SAP130: variants seen among roughly 807,000 people sequenced by gnomAD.
SAP130 encodes the protein histone deacetylase complex subunit SAP130.
Under a neutral mutation model 103.2 loss-of-function variants are expected in SAP130, and 16 were observed. The observed-to-expected ratio is 0.16, with a 90% CI of 0.10 to 0.24. The LOEUF (loss-of-function observed/expected upper bound fraction) is 0.24. Ranked by LOEUF, SAP130 falls within the 10% of genes least tolerant of loss-of-function variation. The pLI is 1.00. For synonymous variants in SAP130, 477 were observed against 497.0 expected (o/e 0.96, Z 0.53); for missense variants, 990 against 1,359.7 (o/e 0.73, Z 4.28).
chr2:127,987,999 T>C (rs987106631), intron 13 of SAP130, among the ~76,000 whole-genome samples: 33 of 152,218 alleles, frequency 2.2e-4, no homozygotes, highest in Admixed American at 2.2e-3. Flanking sequence ...CTTAAATATG[T>C]AGTACACCAT....
Position 128,017,802 on chromosome 2 carries a change from G to T in SAP130, c.226C>A (p.Pro76Thr), listed in dbSNP as rs550119378. Residue 76 changes from proline (P) to threonine (T), a missense_variant, in exon 3 of 21, where the codon CCA becomes ACA. Pro to Thr is a conservative substitution (Grantham distance 38). Coordinates refer to ENST00000643581, the MANE Select transcript of SAP130 (RefSeq NM_001330301.2). Reference protein sequence around the residue: ...KQEPVVVRPYPQVQMLSTHHA... With the variant: ...KQEPVVVRPYTQVQMLSTHHA... ...TGTGTCGACAACATCTGCACCTGTG[G>T]ATAGGGCCTTACCACAACAGGCTCT... 10 of 1,614,244 alleles carry T rather than the reference G, an allele frequency of 6.2e-6. No individual in the cohort carries two copies. The South Asian group carries it at 1.1e-4, about 18-fold the overall frequency.
In SAP130 at chr2:127,964,202, A is replaced by C. The variant is rs193024064; in HGVS notation, c.2064-8858T>G. 1.8e-4 allele frequency among the ~76,000 whole-genome samples: 27 copies of C among 152,254 alleles called. No homozygotes were observed. The Middle Eastern group carries it at 0.01, about 58-fold the overall frequency. On this transcript the variant is annotated intron_variant, in intron 15 of 20. Transcript: ENST00000643581. ...ACGGTGAGACCCTATCTAAAAAATAAGGAAATTTAGGCTGGGCGCAGTGGC... is the reference window on the plus strand; with the variant it reads ...ACGGTGAGACCCTATCTAAAAAATACGGAAATTTAGGCTGGGCGCAGTGGC...
At chr2:127,946,386 A>T (rs753728740) in intron 18 of SAP130, among the ~76,000 whole-genome samples, 1 of 152,192 alleles carries the variant, frequency 6.6e-6, no homozygotes, top group African/African-American at 2.4e-5. Context: ...AGGGCAGAAC[A>T]ACTTTATCAA....
intron 7 of SAP130, among the ~76,000 whole-genome samples, chr2:128,004,801 C>G (rs1683842748): frequency 6.6e-6 from 1 of 152,128 alleles, no homozygotes; most frequent in South Asian, 2.1e-4. Context: ...TCTGCACTGA[C>G]AGGAGTGAAG....
At chr2:127,945,605 AGGTAAATGATTT>A in intron 18 of SAP130, 46 bp from the exon 19 acceptor site, 1 of 1,176,938 alleles carries the variant, frequency 8.5e-7, no homozygotes, top group Non-Finnish European at 1.3e-6. Context: ...GTGTTTAAAA[AGGTAAATGATTT>A]GTGTTCGAGC....
At chr2:128,017,347 A>G (rs6430967) in intron 3 of SAP130, among the ~76,000 whole-genome samples, 48,254 of 151,832 alleles carry the variant, frequency 0.32, 9,011 homozygotes, top group African/African-American at 0.53. Context: ...CAAAACATTA[A>G]TGTCATTAAG....
At chr2:128,021,574 T>C (rs1016238808) in intron 2 of SAP130, among the ~76,000 whole-genome samples, 1 of 152,208 alleles carries the variant, frequency 6.6e-6, no homozygotes, top group African/African-American at 2.4e-5. Flanking sequence ...AAAACCTCTT[T>C]ATTGGGGAAT....
chr2:127,950,021 T>C, intron 17 of SAP130, 27 bp from the exon 18 acceptor site: 3 of 1,612,616 alleles, frequency 1.9e-6, no homozygotes, highest in Non-Finnish European at 2.5e-6. Context: ...ATTAAACAAC[T>C]TAGTAACACT....
chr2:127,958,727 T>C (rs747495532), intron 15 of SAP130, among the ~76,000 whole-genome samples: 1 of 149,566 alleles, frequency 6.7e-6, no homozygotes, highest in African/African-American at 2.5e-5. Context: ...AGTGGCATGA[T>C]CATGGCTCAC....
rs567371992 is a variant in SAP130 at position 127,946,157 on chromosome 2, G to A, written c.2798-598C>T. 4.6e-5 allele frequency among the ~76,000 whole-genome samples: 7 copies of A among 152,266 alleles called. No homozygotes were observed. In the East Asian group the frequency reaches 1.4e-3, roughly 29 times the overall value. On this transcript the variant is annotated intron_variant, in intron 18 of 20. Transcript: ENST00000643581. ...TTCAAACATTTTGCCGGAAGAAGTG[G>A]GCTGTAAAACAGATACCTTCTAATT...
chr2:127,965,905 A>G (rs902882272), intron 15 of SAP130, among the ~76,000 whole-genome samples: 1 of 152,140 alleles, frequency 6.6e-6, no homozygotes, highest in East Asian at 1.9e-4. Context: ...GTTGTCTGCT[A>G]GAACTGATGA....
chr2:128,014,763 C>G, intron 5 of SAP130, 40 bp downstream of exon 5: 1 of 1,374,014 alleles, frequency 7.3e-7, no homozygotes, highest in Non-Finnish European at 1.0e-6. Context: ...ATATCTACTA[C>G]TACATTTTGA....
intron 6 of SAP130, among the ~76,000 whole-genome samples, chr2:128,012,167 A>T (rs1262641116): frequency 6.6e-6 from 1 of 152,196 alleles, no homozygotes; most frequent in East Asian, 1.9e-4. Flanking sequence ...CCATTGTGTT[A>T]AAAAGACAAA....
intron 14 of SAP130, among the ~76,000 whole-genome samples, chr2:127,980,244 C>G (rs539013791): frequency 6.6e-6 from 1 of 152,040 alleles, no homozygotes; most frequent in African/African-American, 2.4e-5. Context: ...AAAAGCAAGA[C>G]CAACTGCATT....
chr2:127,974,977 T>C (rs941615463), intron 15 of SAP130, among the ~76,000 whole-genome samples: 3 of 152,158 alleles, frequency 2.0e-5, no homozygotes, highest in South Asian at 2.1e-4. Context: ...CCATCCCATA[T>C]AGGTTTGTAC....
At chr2:128,016,275 G>A (rs531980519) in intron 4 of SAP130, 114 bp downstream of exon 4, 4 of 1,090,378 alleles carry the variant, frequency 3.7e-6, no homozygotes, top group South Asian at 1.5e-5. Flanking sequence ...AGGTATCAGT[G>A]ACTGTTTGAT....
intron 15 of SAP130, among the ~76,000 whole-genome samples, chr2:127,970,174 G>A (rs1680972897): frequency 6.7e-6 from 1 of 148,448 alleles, no homozygotes; most frequent in African/African-American, 2.5e-5. Flanking sequence ...GTTGCAGTAA[G>A]CCGAGATTAC....
chr2:127,970,921 G>A (rs973816172), intron 15 of SAP130, among the ~76,000 whole-genome samples: 1 of 151,792 alleles, frequency 6.6e-6, no homozygotes, highest in Non-Finnish European at 1.5e-5. Flanking sequence ...CTTCTATCAC[G>A]ATATGCTCTG....
In SAP130 at chr2:127,955,085, T is replaced by C; in HGVS notation, c.2323A>G (p.Thr775Ala). 6.2e-7 allele frequency: 1 copy of C among 1,614,102 alleles called. No homozygotes were observed. Among genetic ancestry groups the C allele is most frequent in the Non-Finnish European group, 8.5e-7 (1 of 1,180,000 alleles). Reference protein sequence around the residue: ...TIAAAPPPSVTVGGSLSSVLG... With the variant: ...TIAAAPPPSVAVGGSLSSVLG... ...ACGGAGGAAAGACTGCCACCCACAGTGACTGATGGAGGTGGTGCAGCTGCA... is the reference window on the plus strand; with the variant it reads ...ACGGAGGAAAGACTGCCACCCACAGCGACTGATGGAGGTGGTGCAGCTGCA... The change falls in exon 16 of 21, where the codon ACT becomes GCT. Residue 775 changes from threonine (T) to alanine (A), a missense_variant. Physicochemically the swap from Thr to Ala is moderately conservative, Grantham distance 58. Around this residue, in one of 6 missense-constraint regions of SAP130, gnomAD observed 349 missense variants for 384.1 expected, o/e 0.91. Transcript: ENST00000643581. The surrounding 1 kb of genome is among the most constrained non-coding windows in gnomAD (Gnocchi z 4.9).
Sources: allele counts gnomAD v4.1 joint callset (sites outside exome capture counted in the v4.1 genomes callset), GRCh38; gene constraint gnomAD v4.1.1; regional missense constraint gnomAD v4.1.1; non-coding constraint Gnocchi (gnomAD v3.1); transcripts MANE v1.5; gene names NCBI Gene and HGNC (gene_info 2026-07-23, HGNC 2026-07-21).